The following LRP1B variants were observed in gnomAD, a reference collection of about 807,000 sequenced individuals.
LRP1B encodes low-density lipoprotein receptor-related protein 1B.
In LRP1B, 217 loss-of-function variants were observed where a neutral mutation model predicts 556.6. That is an observed-to-expected ratio of 0.39 (90% confidence interval 0.35 to 0.44). The LOEUF (loss-of-function observed/expected upper bound fraction) is 0.44. Among genes scored for constraint, LRP1B ranks in the 20% least tolerant of loss-of-function variants. The pLI, the probability that LRP1B is intolerant of heterozygous loss-of-function variation, is 1.00. For synonymous variants in LRP1B, 2,047 were observed against 1,865.8 expected (o/e 1.10, Z -2.50); for missense variants, 5,053 against 5,620.8 (o/e 0.90, Z 3.23).
At chr2:140,828,531 C>T (rs1362591855) in intron 31 of LRP1B, among the ~76,000 whole-genome samples, 1 of 131,766 alleles carries the variant, frequency 7.6e-6, no homozygotes, top group East Asian at 2.4e-4. Context: ...ATGGCGTGAA[C>T]CTGGGAGGCG....
chr2:141,278,067 G>A (rs188397026), intron 3 of LRP1B, among the ~76,000 whole-genome samples: 1 of 152,178 alleles, frequency 6.6e-6, no homozygotes, highest in East Asian at 1.9e-4. Context: ...AATTTATTTT[G>A]ATTCGTGAGC....
intron 9 of LRP1B, among the ~76,000 whole-genome samples, chr2:141,057,047 A>T (rs2105459318): frequency 6.6e-6 from 1 of 151,900 alleles, no homozygotes; most frequent in East Asian, 2.0e-4. Flanking sequence ...TATATTCTGA[A>T]TTTCACTACT....
chr2:141,914,141 C>A (rs1458422090), intron 1 of LRP1B, among the ~76,000 whole-genome samples: 1 of 151,956 alleles, frequency 6.6e-6, no homozygotes, highest in Non-Finnish European at 1.5e-5. Flanking sequence ...TATGAGGTAA[C>A]AAAGTAATAT....
chr2:141,720,612 T>G (rs1692776870), intron 2 of LRP1B, among the ~76,000 whole-genome samples: 1 of 152,034 alleles, frequency 6.6e-6, no homozygotes, highest in Admixed American at 6.6e-5. Context: ...TCTAATCACA[T>G]GTAAATAATA....
intron 14 of LRP1B, among the ~76,000 whole-genome samples, chr2:141,010,393 A>C (rs1697705873): frequency 6.6e-6 from 1 of 152,112 alleles, no homozygotes; most frequent in Non-Finnish European, 1.5e-5. Flanking sequence ...TGAGAAAAAT[A>C]TCTTTACACT....
chr2:140,303,665 T>A (rs1431233229), intron 83 of LRP1B, among the ~76,000 whole-genome samples: 1 of 152,120 alleles, frequency 6.6e-6, no homozygotes, highest in Non-Finnish European at 1.5e-5. Context: ...TAATAAAAAA[T>A]CTTTTTATTA....
chr2:141,718,080 C>T (rs1692673676), intron 2 of LRP1B, among the ~76,000 whole-genome samples: 1 of 152,146 alleles, frequency 6.6e-6, no homozygotes, highest in South Asian at 2.1e-4. Context: ...TCTTGCAAGT[C>T]ACAAATCCAG....
intron 2 of LRP1B, among the ~76,000 whole-genome samples, chr2:141,771,571 G>A (rs1335091436): frequency 2.0e-5 from 3 of 152,126 alleles, no homozygotes; most frequent in African/African-American, 4.8e-5. Flanking sequence ...ACTTTAGAAG[G>A]AGGTTGCATA....
At chr2:141,563,495 T>C (rs966732458) in intron 2 of LRP1B, among the ~76,000 whole-genome samples, 2 of 151,814 alleles carry the variant, frequency 1.3e-5, no homozygotes, top group Non-Finnish European at 2.9e-5. Context: ...AGAAAATGAA[T>C]GAAATACAAC....
At chr2:140,562,093 A>G (rs1359533298) in intron 43 of LRP1B, among the ~76,000 whole-genome samples, 1 of 152,132 alleles carries the variant, frequency 6.6e-6, no homozygotes, top group Non-Finnish European at 1.5e-5. Context: ...AAACTGATAA[A>G]GAATATCAAT....
At chr2:141,150,869 TTGTGTGTGTGTGTGTGTGTGTGTG>T (rs56107003) in intron 7 of LRP1B, among the ~76,000 whole-genome samples, 2 of 138,626 alleles carry the variant, frequency 1.4e-5, no homozygotes, top group African/African-American at 5.4e-5. Flanking sequence ...TCATGCTGGT[TTGTGTGTGTGTGTGTGTGTGTGTG>T]TGTGTGTGTG....
intron 1 of LRP1B, among the ~76,000 whole-genome samples, chr2:141,926,868 G>GAAAAA (rs1700347981): frequency 2.0e-5 from 3 of 152,048 alleles, no homozygotes; most frequent in Admixed American, 2.0e-4. Context: ...CTAACAAGGT[G>GAAAAA]AACTATTTTT....
chr2:140,951,041 C>T (rs949867120), intron 19 of LRP1B, among the ~76,000 whole-genome samples: 9 of 152,020 alleles, frequency 5.9e-5, no homozygotes, highest in South Asian at 2.1e-4. Flanking sequence ...CTATGCACCA[C>T]GAAACAAGGA....
At chr2:141,211,662 TA>T (rs1270637091) in intron 6 of LRP1B, among the ~76,000 whole-genome samples, 1 of 152,154 alleles carries the variant, frequency 6.6e-6, no homozygotes, top group Non-Finnish European at 1.5e-5. Flanking sequence ...GAAGGCTTTT[TA>T]TGGCTATGTA....
chr2:141,178,071 T>G (rs1157347093), intron 7 of LRP1B, among the ~76,000 whole-genome samples: 1 of 152,106 alleles, frequency 6.6e-6, no homozygotes, highest in Non-Finnish European at 1.5e-5. Context: ...TTCTACTAAT[T>G]TGCAAACAAA....
At chr2:140,463,022 GTGA>G (rs1454034985) in intron 60 of LRP1B, among the ~76,000 whole-genome samples, 1 of 152,154 alleles carries the variant, frequency 6.6e-6, no homozygotes, top group Non-Finnish European at 1.5e-5. Context: ...CAAAAAAGAA[GTGA>G]TGAGAAAGAA....
intron 49 of LRP1B, among the ~76,000 whole-genome samples, chr2:140,520,564 C>A (rs1031299348): frequency 2.0e-5 from 3 of 151,868 alleles, no homozygotes; most frequent in Non-Finnish European, 4.4e-5. Context: ...TGTAAAAAAC[C>A]TGCACATTGT....
intron 43 of LRP1B, among the ~76,000 whole-genome samples, chr2:140,553,362 A>C (rs928808994): frequency 1.1e-4 from 17 of 152,026 alleles, no homozygotes; most frequent in Non-Finnish European, 2.4e-4. Flanking sequence ...CCAAATTTGT[A>C]AAGAACAACA....
chr2:140,362,731 T>C lies in LRP1B; in HGVS notation c.11131+1930A>G, dbSNP rs150205569. Among the ~76,000 whole-genome samples the C allele has an allele frequency of 2.9e-3, 437 of 151,826 alleles. 2 individuals carry two copies. The highest frequency in any genetic ancestry group is 0.01 in the African/African-American group (434 of 41,500). ...TCAGCAGCTAAATATTTCCCAGGCC[T>C]GAACTAAAATGTTATTTCTCATACT... On this transcript the variant is annotated intron_variant, in intron 72 of 90. Coordinates refer to ENST00000389484, the MANE Select transcript of LRP1B (RefSeq NM_018557.3).
Sources: gnomAD v4.1 joint callset for allele counts (sites outside exome capture counted in the v4.1 genomes callset) on GRCh38, gnomAD v4.1.1 for gene constraint, MANE v1.5 for transcripts, NCBI Gene and HGNC (gene_info 2026-07-23, HGNC 2026-07-21) for gene names.